Variants in GUCY1A2 observed in about 807,000 individuals in gnomAD.
GUCY1A2 encodes the protein guanylate cyclase 1 soluble subunit alpha 2, also known as guanylate cyclase soluble subunit alpha-2.
Under a neutral mutation model 63.5 loss-of-function variants are expected in GUCY1A2, and 27 were observed. The observed-to-expected ratio is 0.43, with a 90% CI of 0.31 to 0.59. GUCY1A2 has a LOEUF of 0.59. Among genes scored for constraint, GUCY1A2 ranks in the 20% least tolerant of loss-of-function variants. GUCY1A2 has a pLI of 0.11. For synonymous variants in GUCY1A2, 364 were observed against 343.5 expected (o/e 1.06, Z -0.66); for missense variants, 768 against 913.3 (o/e 0.84, Z 2.05).
At chr11:107,010,837 T>G (rs1004493134) in intron 1 of GUCY1A2, among the ~76,000 whole-genome samples, 13 of 152,016 alleles carry the variant, frequency 8.6e-5, no homozygotes, top group Non-Finnish European at 1.6e-4. Flanking sequence ...TTCAGGCTAT[T>G]CTCCTGCCTC....
intron 6 of GUCY1A2, among the ~76,000 whole-genome samples, chr11:106,718,027 G>A (rs1863244752): frequency 6.6e-6 from 1 of 152,052 alleles, no homozygotes; most frequent in Admixed American, 6.6e-5. Context: ...AATTTCTGTG[G>A]CTATGTGGCA....
intron 5 of GUCY1A2, among the ~76,000 whole-genome samples, chr11:106,778,978 T>C (rs1864411162): frequency 6.6e-6 from 1 of 152,164 alleles, no homozygotes; most frequent in Non-Finnish European, 1.5e-5. Flanking sequence ...TTATTTTTAA[T>C]ATCAAAAATT....
At chr11:106,955,776 G>C (rs1210938519) in intron 3 of GUCY1A2, among the ~76,000 whole-genome samples, 1 of 151,988 alleles carries the variant, frequency 6.6e-6, no homozygotes. Context: ...TATGTGTCTT[G>C]GGGTTGATCT....
chr11:106,702,701 G>GTT (rs1378588830), intron 7 of GUCY1A2, among the ~76,000 whole-genome samples: 18 of 140,012 alleles, frequency 1.3e-4, no homozygotes, highest in Non-Finnish European at 2.7e-4. Flanking sequence ...TAATTTATAT[G>GTT]GTTTTTTTTT....
intron 5 of GUCY1A2, among the ~76,000 whole-genome samples, chr11:106,808,973 C>T (rs546152455): frequency 1.5e-4 from 23 of 152,104 alleles, no homozygotes; most frequent in Non-Finnish European, 2.9e-4. Context: ...ATGTTTACCA[C>T]TCAGAAGAGA....
intron 1 of GUCY1A2, among the ~76,000 whole-genome samples, chr11:106,989,742 C>A (rs1861447492): frequency 6.6e-6 from 1 of 151,946 alleles, no homozygotes; most frequent in Non-Finnish European, 1.5e-5. Context: ...AAATGGCAGC[C>A]AGATTTATAA....
chr11:106,968,875 T>C (rs1410649556), intron 3 of GUCY1A2, among the ~76,000 whole-genome samples: 1 of 43,382 alleles, frequency 2.3e-5, no homozygotes, highest in Non-Finnish European at 4.7e-5. Flanking sequence ...AGACCAGGAA[T>C]TGGAAGTTTG....
intron 4 of GUCY1A2, among the ~76,000 whole-genome samples, chr11:106,897,359 A>G (rs1040865980): frequency 1.1e-4 from 16 of 152,272 alleles, no homozygotes; most frequent in African/African-American, 1.9e-4. Flanking sequence ...TTACGTTTAC[A>G]TGAAGTAGGC....
rs142339219 is a variant in GUCY1A2 at position 106,810,410 on chromosome 11, T to C, written c.1275A>G (p.Pro425=). 6.9e-5 allele frequency: 111 copies of C among 1,612,538 alleles called. No individual in the cohort carries two copies. Among genetic ancestry groups the C allele is most frequent in the Non-Finnish European group, 9.2e-5 (109 of 1,179,318 alleles). Residue 425 remains proline (P), a synonymous_variant, in exon 5 of 8, where the codon CCA becomes CCG. Coordinates refer to ENST00000526355, the MANE Select transcript of GUCY1A2 (RefSeq NM_000855.3). ...TGAGTTCATCCAACTTGTCCACACA[T>C]GGAGAGCCCAAAAATAAAATGGAAT... ...ESNSILFLGS[P]CVDKLDELMG... is the part of the protein sequence containing the mutation.
chr11:107,017,507 C>T (rs986869022), intron 1 of GUCY1A2, among the ~76,000 whole-genome samples: 1 of 152,166 alleles, frequency 6.6e-6, no homozygotes, highest in African/African-American at 2.4e-5. Flanking sequence ...GGCAGACAGG[C>T]CCCCGAATCA....
intron 6 of GUCY1A2, among the ~76,000 whole-genome samples, chr11:106,718,228 TG>T (rs1401408208): frequency 6.6e-6 from 1 of 152,204 alleles, no homozygotes; most frequent in East Asian, 1.9e-4. Context: ...TTCTCATCAC[TG>T]GTAATTTCAG....
At chr11:106,739,579 G>C (rs1863653802) in intron 6 of GUCY1A2, among the ~76,000 whole-genome samples, 1 of 152,192 alleles carries the variant, frequency 6.6e-6, no homozygotes, top group East Asian at 1.9e-4. Context: ...GCACAGGCCA[G>C]TGCCTGAATT....
Position 106,917,497 on chromosome 11 carries a change from T to C in GUCY1A2, c.1206+21963A>G, listed in dbSNP as rs1036602375. Among the ~76,000 whole-genome samples, 4 of 145,158 alleles carry C rather than the reference T, an allele frequency of 2.8e-5. 1 individual carries two copies. The highest frequency in any genetic ancestry group is 2.5e-4 in the South Asian group (1 of 4,038). On this transcript the variant is annotated intron_variant, in intron 4 of 7. Transcript: ENST00000526355. ...TGCTATAAAGACATATGCACATGTA[T>C]GTTTATTGTGACACTATTCACAATA...
At chr11:106,939,421 T>C in intron 4 of GUCY1A2, 39 bp downstream of exon 4, 1 of 1,001,032 alleles carries the variant, frequency 1.0e-6, no homozygotes, top group Admixed American at 2.0e-5. Context: ...TTATCCACTC[T>C]TCTAGTTCCC....
chr11:106,899,472 TG>T (rs1860096406), intron 4 of GUCY1A2, among the ~76,000 whole-genome samples: 1 of 152,190 alleles, frequency 6.6e-6, no homozygotes, highest in Non-Finnish European at 1.5e-5. Context: ...GTGAATTTCA[TG>T]TATTGTAAAT....
intron 4 of GUCY1A2, among the ~76,000 whole-genome samples, chr11:106,879,491 G>T (rs990109702): frequency 1.3e-5 from 2 of 152,034 alleles, no homozygotes; most frequent in Admixed American, 1.3e-4. Context: ...CCAGGACATG[G>T]CATATTGCCC....
At chr11:106,900,503 C>T (rs1860117146) in intron 4 of GUCY1A2, among the ~76,000 whole-genome samples, 1 of 152,158 alleles carries the variant, frequency 6.6e-6, no homozygotes, top group Non-Finnish European at 1.5e-5. Flanking sequence ...ATTGCGTGGG[C>T]CAATTTAACG....
At chr11:106,715,401 C>T (rs1309978124) in intron 6 of GUCY1A2, among the ~76,000 whole-genome samples, 3 of 152,110 alleles carry the variant, frequency 2.0e-5, no homozygotes, top group Admixed American at 2.0e-4. Context: ...TAGTGTTAGG[C>T]TCAGCTCTAG....
chr11:107,017,846 G>C lies in GUCY1A2; in HGVS notation c.210C>G (p.Ala70=), dbSNP rs772797641. 3.2e-6 allele frequency: 4 copies of C among 1,241,510 alleles called. No individual in the cohort carries two copies. The highest frequency in any genetic ancestry group is 3.0e-6 in the Non-Finnish European group (3 of 989,164). The allele number at this position is 1,241,510 out of a possible 1,614,324, so 76.9% of individuals were successfully genotyped here. The part of the protein sequence containing the change: ...APTPAASAAA[A]AATAGARRVQ... ...CCCTCCTGGCCCCGGCAGTGGCAGC[G>C]GCGGCGGCGGCAGAAGCAGCCGGGG... Residue 70 remains alanine, a synonymous_variant, in exon 1 of 8, where the codon GCC becomes GCG. Coordinates refer to ENST00000526355, the MANE Select transcript of GUCY1A2 (RefSeq NM_000855.3).
Sources: allele counts gnomAD v4.1 joint callset (sites outside exome capture counted in the v4.1 genomes callset), GRCh38; gene constraint gnomAD v4.1.1; transcripts MANE v1.5; gene names NCBI Gene and HGNC (gene_info 2026-07-23, HGNC 2026-07-21).